Variants in TBCK observed in about 807,000 individuals in gnomAD.
The protein encoded by TBCK is TBC domain-containing protein kinase-like protein.
Under a neutral mutation model 113.4 loss-of-function variants are expected in TBCK, and 99 were observed. The observed-to-expected ratio is 0.87, with a 90% CI of 0.74 to 1.03. The LOEUF is 1.03. Ranked by LOEUF, TBCK falls within the 50% of genes least tolerant of loss-of-function variation. The pLI, the probability that TBCK is intolerant of heterozygous loss-of-function variation, is 0.00. For missense variants in TBCK, 1,045 were observed against 1,061.3 expected (o/e 0.98, Z 0.21); for synonymous variants, 369 against 370.8 (o/e 1.00, Z 0.05).
chr4:106,112,474 T>C (rs1457130734), intron 24 of TBCK, among the ~76,000 whole-genome samples: 1 of 152,190 alleles, frequency 6.6e-6, no homozygotes, highest in Non-Finnish European at 1.5e-5. Context: ...CTGGTGGAAA[T>C]CACGTAATTC....
At chr4:106,255,326 C>T (rs535511757) in intron 5 of TBCK, among the ~76,000 whole-genome samples, 9 of 152,346 alleles carry the variant, frequency 5.9e-5, no homozygotes, top group African/African-American at 2.2e-4. Flanking sequence ...GACTGGCAGG[C>T]TGTGCTCAGC....
At chr4:106,310,110 T>C (rs1401911309) in intron 1 of TBCK, 2 of 152,220 alleles carry the variant, frequency 1.3e-5, no homozygotes, top group Non-Finnish European at 2.9e-5. Flanking sequence ...CCCTGCATTT[T>C]TCCCTTCTCA....
intron 20 of TBCK, among the ~76,000 whole-genome samples, chr4:106,195,063 C>T (rs1754064293): frequency 6.6e-6 from 1 of 152,008 alleles, no homozygotes; most frequent in South Asian, 2.1e-4. Context: ...CTGTATGTCA[C>T]TTTTCTTTTT....
intron 2 of TBCK, among the ~76,000 whole-genome samples, chr4:106,307,646 T>A (rs114608686): frequency 2.6e-5 from 4 of 152,134 alleles, no homozygotes; most frequent in Non-Finnish European, 5.9e-5. Context: ...ACCAACTACA[T>A]AGGGTTTACT....
intron 3 of TBCK, among the ~76,000 whole-genome samples, chr4:106,291,475 T>C (rs1370589030): frequency 2.0e-5 from 3 of 152,226 alleles, no homozygotes; most frequent in African/African-American, 7.2e-5. Flanking sequence ...CAAGTATGCT[T>C]TGTATGCTAT....
intron 20 of TBCK, among the ~76,000 whole-genome samples, chr4:106,204,071 T>C (rs1202264168): frequency 2.6e-5 from 4 of 152,186 alleles, no homozygotes; most frequent in Non-Finnish European, 5.9e-5. Flanking sequence ...AAAGAAATAA[T>C]GCAACATGAT....
rs1746997981 is a variant in TBCK at position 106,140,002 on chromosome 4, T to C, written c.2236-23624A>G. On this transcript the variant is annotated intron_variant, in intron 23 of 25. Transcript: ENST00000394708. ...TATAATGAATTAAAATTATCAGCTATATAATAAGTGAATTGTAATAGATGT... is the reference window on the plus strand; with the variant it reads ...TATAATGAATTAAAATTATCAGCTACATAATAAGTGAATTGTAATAGATGT... 1.4e-5 allele frequency among the ~76,000 whole-genome samples: 2 copies of C among 141,100 alleles called. 1 individual carries two copies. Among genetic ancestry groups the C allele is most frequent in the Non-Finnish European group, 3.2e-5 (2 of 62,038 alleles). 92.6% of individuals were successfully genotyped at this position (141,100 alleles called of 152,430 possible). A position where few individuals can be genotyped will look rare whatever the true frequency, so the allele number is the denominator to read the frequency against.
At chr4:106,117,944 G>A (rs1743747394) in intron 23 of TBCK, among the ~76,000 whole-genome samples, 1 of 151,354 alleles carries the variant, frequency 6.6e-6, no homozygotes, top group African/African-American at 2.4e-5. Flanking sequence ...GGGAGGCGGA[G>A]CTTGCAGTGA....
At chr4:106,250,179 TGA>T (rs1484019460) in intron 7 of TBCK, among the ~76,000 whole-genome samples, 1 of 152,084 alleles carries the variant, frequency 6.6e-6, no homozygotes, top group Admixed American at 6.6e-5. Flanking sequence ...ATAATAAAGC[TGA>T]GATTATTTCC....
intron 12 of TBCK, among the ~76,000 whole-genome samples, chr4:106,241,720 A>G (rs1006243216): frequency 2.0e-5 from 3 of 151,990 alleles, no homozygotes; most frequent in Admixed American, 1.3e-4. Context: ...AACTTAATCT[A>G]AAATAAATTC....
intron 24 of TBCK, among the ~76,000 whole-genome samples, chr4:106,108,431 C>T (rs1160237508): frequency 7.2e-5 from 11 of 152,096 alleles, no homozygotes; most frequent in Non-Finnish European, 1.3e-4. Flanking sequence ...GCTTCATCCC[C>T]GGGATGCAAG....
chr4:106,212,275 TAAAA>T (rs960375385), intron 20 of TBCK, among the ~76,000 whole-genome samples: 2 of 152,086 alleles, frequency 1.3e-5, no homozygotes, highest in African/African-American at 4.8e-5. Flanking sequence ...AAACAACAAA[TAAAA>T]AACAGGCTAA....
intron 3 of TBCK, among the ~76,000 whole-genome samples, chr4:106,274,432 T>A (rs1317937980): frequency 6.6e-6 from 1 of 152,114 alleles, no homozygotes; most frequent in Non-Finnish European, 1.5e-5. Flanking sequence ...AATCCAAATG[T>A]CCATCAACCC....
intron 5 of TBCK, among the ~76,000 whole-genome samples, chr4:106,257,983 T>C (rs1294109469): frequency 6.6e-6 from 1 of 151,984 alleles, no homozygotes. Context: ...AAAATAATAA[T>C]AATGAAAAAT....
intron 1 of TBCK, among the ~76,000 whole-genome samples, chr4:106,310,967 CAATA>C (rs1449571984): frequency 2.6e-5 from 4 of 151,482 alleles, no homozygotes; most frequent in Admixed American, 2.0e-4. Flanking sequence ...GAGAAATGGC[CAATA>C]GATACATGAG....
chr4:106,165,793 T>G (rs1216404473), intron 23 of TBCK, among the ~76,000 whole-genome samples: 1 of 151,640 alleles, frequency 6.6e-6, no homozygotes, highest in Non-Finnish European at 1.5e-5. Context: ...AATAGGGAAC[T>G]AGAGAGGTTA....
chr4:106,063,625 C>A (rs1000117120), intron 25 of TBCK, among the ~76,000 whole-genome samples: 7 of 151,774 alleles, frequency 4.6e-5, no homozygotes, highest in African/African-American at 1.7e-4. Flanking sequence ...GAGAAGGGTG[C>A]CACGGTCTGA....
intron 24 of TBCK, among the ~76,000 whole-genome samples, chr4:106,111,911 T>C (rs746323203): frequency 1.2e-4 from 18 of 152,210 alleles, no homozygotes; most frequent in Non-Finnish European, 2.4e-4. Flanking sequence ...CAGAACTTGT[T>C]TTCCATCTTA....
chr4:106,069,405 C>A lies in TBCK; in HGVS notation c.2572-22725G>T, dbSNP rs548401658. On this transcript the variant is annotated intron_variant, in intron 25 of 25. Transcript: ENST00000394708. ...AGCATCATTTATTAAATAGGGAATCCTTTCCCCATTTCTTGTTTTTGTCAG... is the reference window on the plus strand; with the variant it reads ...AGCATCATTTATTAAATAGGGAATCATTTCCCCATTTCTTGTTTTTGTCAG... Among the ~76,000 whole-genome samples the A allele has an allele frequency of 2.2e-3, 334 of 152,256 alleles. 2 individuals carry two copies. The highest frequency in any genetic ancestry group is 7.0e-3 in the African/African-American group (292 of 41,562).
Sources: allele counts gnomAD v4.1 joint callset (sites outside exome capture counted in the v4.1 genomes callset), GRCh38; gene constraint gnomAD v4.1.1; transcripts MANE v1.5; gene names NCBI Gene and HGNC (gene_info 2026-07-23, HGNC 2026-07-21).